WDR76: variants seen among roughly 807,000 people sequenced by gnomAD.
WDR76 encodes the protein WD repeat domain 76, also known as WD repeat-containing protein 76.
WDR76 carries 52 observed loss-of-function variants against 70.2 expected under a neutral mutation model. The observed-to-expected ratio is 0.74, with a 90% CI of 0.59 to 0.93. The LOEUF is 0.93. Among genes scored for constraint, WDR76 ranks in the 40% least tolerant of loss-of-function variants. WDR76 has a pLI of 0.00. For missense variants in WDR76, 756 were observed against 760.2 expected (o/e 0.99, Z 0.07); for synonymous variants, 292 against 271.1 (o/e 1.08, Z -0.76).
intron 4 of WDR76, among the ~76,000 whole-genome samples, chr15:43,837,532 AG>A (rs151143999): frequency 0.011 from 1,684 of 152,294 alleles, 17 homozygotes; most frequent in Non-Finnish European, 0.016. Flanking sequence ...AATGTAGCGC[AG>A]AAGTGTAGCC....
intron 8 of WDR76, among the ~76,000 whole-genome samples, chr15:43,847,585 T>A (rs1035222099): frequency 1.2e-4 from 18 of 151,950 alleles, no homozygotes; most frequent in South Asian, 6.2e-4. Flanking sequence ...CACACCTGGC[T>A]AATTTTTTTG....
intron 9 of WDR76, among the ~76,000 whole-genome samples, chr15:43,852,421 G>T: frequency 6.6e-6 from 1 of 152,062 alleles, no homozygotes; most frequent in Non-Finnish European, 1.5e-5. Flanking sequence ...GCCCAGGCTG[G>T]AGTGCAGTGG....
At position 43,863,242 on chromosome 15, in the gene WDR76, T is replaced by G. The variant is rs144425726; in HGVS notation, c.1616+1856T>G. Among the ~76,000 whole-genome samples the G allele has an allele frequency of 2.5e-3, 387 of 152,300 alleles. 3 individuals are homozygous for G. Among genetic ancestry groups the G allele is most frequent in the African/African-American group, 8.8e-3 (364 of 41,556 alleles). On this transcript the variant is annotated intron_variant, in intron 12 of 12. Transcript: ENST00000263795. Reference sequence around the variant, plus strand: ...CATGAGCCACTGCATCCAGTCTTATTTTTTAATTGACTAATAAAATTGTGT... The same window carrying G: ...CATGAGCCACTGCATCCAGTCTTATGTTTTAATTGACTAATAAAATTGTGT...
At chr15:43,834,524 C>T (rs1487977875) in intron 2 of WDR76, among the ~76,000 whole-genome samples, 2 of 150,004 alleles carry the variant, frequency 1.3e-5, no homozygotes, top group Non-Finnish European at 1.5e-5. Context: ...GTTGGCCAGG[C>T]TGGTCTCGAA....
At chr15:43,849,323 A>G (rs188580773) in intron 8 of WDR76, among the ~76,000 whole-genome samples, 76 of 152,316 alleles carry the variant, frequency 5.0e-4, no homozygotes, top group African/African-American at 1.7e-3. Context: ...GTAGAAGATA[A>G]TGTCTCTGTA....
At chr15:43,846,426 G>T (rs754997439) in intron 8 of WDR76, among the ~76,000 whole-genome samples, 2 of 148,734 alleles carry the variant, frequency 1.3e-5, no homozygotes, top group Admixed American at 6.7e-5. Flanking sequence ...CTGGGACTAC[G>T]GTCATGTGCC....
intron 12 of WDR76, among the ~76,000 whole-genome samples, chr15:43,863,509 C>T (rs2088030436): frequency 6.6e-6 from 1 of 151,850 alleles, no homozygotes; most frequent in South Asian, 2.1e-4. Flanking sequence ...ACCAACATCT[C>T]CCCAAACCTT....
At chr15:43,852,739 T>G (rs916674888) in intron 9 of WDR76, among the ~76,000 whole-genome samples, 6 of 152,208 alleles carry the variant, frequency 3.9e-5, no homozygotes, top group African/African-American at 1.4e-4. Context: ...ACTGGTTTCT[T>G]TAACAAAATG....
At chr15:43,858,138 G>A (rs973246615) in intron 10 of WDR76, among the ~76,000 whole-genome samples, 1 of 151,608 alleles carries the variant, frequency 6.6e-6, no homozygotes, top group Admixed American at 6.6e-5. Context: ...TCACTGTCTT[G>A]GCCAGGCTGG....
At chr15:43,839,814 A>G (rs2087702376) in intron 5 of WDR76, 86 bp downstream of exon 5, 1 of 1,370,382 alleles carries the variant, frequency 7.3e-7, no homozygotes, top group Admixed American at 2.6e-5. Flanking sequence ...AGTTCATTAA[A>G]TTATGTTTAA....
intron 12 of WDR76, among the ~76,000 whole-genome samples, chr15:43,862,881 C>T (rs2088019988): frequency 1.3e-5 from 2 of 151,956 alleles, no homozygotes; most frequent in African/African-American, 2.4e-5. Flanking sequence ...TGACCTCAAG[C>T]GGCCACCCAC....
rs1221007134 is a variant in WDR76, at chr15:43,844,034, C to T, written c.1012C>T (p.Gln338Ter). 6.2e-7 allele frequency: 1 copy of T among 1,611,986 alleles called. No individual in the cohort carries two copies. Among genetic ancestry groups the T allele is most frequent in the South Asian group, 1.1e-5 (1 of 90,436 alleles). ...TLVAVGAKFG[Q>*]VGLCDLTQQP... ...GGTAGCAGTTGGGGCCAAATTTGGG[C>T]AAGTTGGACTTTGTGATTTGGTAAG... The change falls in exon 8 of 13, where the codon CAA becomes TAA. Residue 338 changes from glutamine to a stop codon, truncating the protein, a stop_gained. Transcript: ENST00000263795. LOFTEE classifies it high-confidence loss of function.
At chr15:43,827,862 T>G (rs777164498) in intron 1 of WDR76, 103 bp from the exon 2 acceptor site, 80 of 1,277,612 alleles carry the variant, frequency 6.3e-5, no homozygotes, top group Non-Finnish European at 7.9e-5. Context: ...GGATTTATAT[T>G]GTCTTTGGGA....
At chr15:43,835,293 C>A in intron 3 of WDR76, 143 bp downstream of exon 3, 1 of 433,188 alleles carries the variant, frequency 2.3e-6, no homozygotes, top group South Asian at 2.8e-5. Flanking sequence ...ATACGGAGAC[C>A]CGCCCCCCGC....
At chr15:43,831,067 AAG>A (rs2087581968) in intron 2 of WDR76, among the ~76,000 whole-genome samples, 1 of 150,430 alleles carries the variant, frequency 6.6e-6, no homozygotes. Flanking sequence ...ACCAAAAAAA[AAG>A]AAAATATAAA....
In WDR76 at chr15:43,855,966, G is replaced by A. The variant is rs2087921748; in HGVS notation, c.1192-980G>A. On this transcript the variant is annotated intron_variant, in intron 9 of 12. Coordinates refer to ENST00000263795, the MANE Select transcript of WDR76 (RefSeq NM_024908.4). ...AACCGTTGTTGCATATCTTGAGTAT[G>A]CTTCCACAAAGTACACCTATGCTTA... Among the ~76,000 whole-genome samples, 4 of 152,062 alleles carry A rather than the reference G, an allele frequency of 2.6e-5. 1 individual carries two copies. Among genetic ancestry groups the A allele is most frequent in the Admixed American group, 1.3e-4 (2 of 15,234 alleles).
intron 5 of WDR76, among the ~76,000 whole-genome samples, chr15:43,840,695 G>T (rs2087713812): frequency 6.6e-6 from 1 of 151,992 alleles, no homozygotes; most frequent in Admixed American, 6.6e-5. Context: ...AAATATATTT[G>T]TGGCCAGGTG....
rs1335969026 is a variant in WDR76, at chr15:43,867,166, G to GC, written c.*779dup. 6 of 151,796 alleles carry GC rather than the reference G, an allele frequency of 4.0e-5. No homozygotes were observed. 9.4% of individuals were successfully genotyped at this position (151,796 alleles called of 1,614,324 possible). A position where few individuals can be genotyped will look rare whatever the true frequency, so the allele number is the denominator to read the frequency against. On this transcript the variant is annotated 3_prime_UTR_variant, in exon 13 of 13. Transcript: ENST00000263795. The stretch of plus-strand genomic sequence containing the variant: ...ATTTTTTTAACTGAGAACTTTTTTT[G>GC]CCCCCTGCCTGTAGGTTAAGTCTTA...
intron 1 of WDR76, 151 bp downstream of exon 1, chr15:43,827,243 C>T: frequency 3.5e-6 from 3 of 850,526 alleles, no homozygotes; most frequent in South Asian, 3.4e-5. Context: ...ACGAAAGGTT[C>T]TTATCAATAA....
Sources: allele counts gnomAD v4.1 joint callset (sites outside exome capture counted in the v4.1 genomes callset), GRCh38; gene constraint gnomAD v4.1.1; transcripts MANE v1.5; gene names NCBI Gene and HGNC (gene_info 2026-07-23, HGNC 2026-07-21).